ZNF280D: variants seen among roughly 807,000 people sequenced by gnomAD.
The protein encoded by ZNF280D is suppressor of hairy wing homolog 4.
In ZNF280D, 39 loss-of-function variants were observed where a neutral mutation model predicts 94.7. The observed-to-expected ratio is 0.41, with a 90% CI of 0.32 to 0.54. The LOEUF (loss-of-function observed/expected upper bound fraction) is 0.54, where lower values mean the gene tolerates loss of function less well. Among genes scored for constraint, ZNF280D ranks in the 20% least tolerant of loss-of-function variants. The pLI, the probability that ZNF280D is intolerant of heterozygous loss-of-function variation, is 0.22. For missense variants in ZNF280D, 1,090 were observed against 1,149.3 expected (o/e 0.95, Z 0.75); for synonymous variants, 398 against 377.6 (o/e 1.05, Z -0.63).
At chr15:56,695,681 C>T (rs1431909753) in intron 6 of ZNF280D, among the ~76,000 whole-genome samples, 1 of 151,934 alleles carries the variant, frequency 6.6e-6, no homozygotes, top group Non-Finnish European at 1.5e-5. Flanking sequence ...AGGTGCACAC[C>T]ACCATGCCCA....
intron 1 of ZNF280D, among the ~76,000 whole-genome samples, chr15:56,715,488 T>A (rs2057991953): frequency 6.6e-6 from 1 of 152,064 alleles, no homozygotes; most frequent in South Asian, 2.1e-4. Flanking sequence ...ATGACTTAAC[T>A]AAGGGCAATA....
chr15:56,682,123 C>A, intron 10 of ZNF280D, 131 bp downstream of exon 10: 1 of 603,100 alleles, frequency 1.7e-6, no homozygotes, highest in South Asian at 2.5e-5. Context: ...CAAGAGAATC[C>A]GCCTTTATTC....
In ZNF280D at chr15:56,634,802, T is replaced by C. The variant is rs573974804; in HGVS notation, c.2315+393A>G. Among the ~76,000 whole-genome samples, 30 of 152,226 alleles carry C rather than the reference T, an allele frequency of 2.0e-4. 1 individual carries two copies. In the South Asian group the frequency reaches 6.2e-3, roughly 32 times the overall value. On this transcript the variant is annotated intron_variant, in intron 21 of 21. Transcript: ENST00000267807. ...TTGTGATCCTACCATATAAGTAGTCTTATAGCTTTTTGAAAATACTTTAAA... is the reference window on the plus strand; with the variant it reads ...TTGTGATCCTACCATATAAGTAGTCCTATAGCTTTTTGAAAATACTTTAAA...
chr15:56,643,551 T>C lies in ZNF280D; in HGVS notation c.2214-554A>G, dbSNP rs187577323. Among the ~76,000 whole-genome samples the C allele has an allele frequency of 1.7e-3, 255 of 151,848 alleles. 1 individual carries two copies. Among genetic ancestry groups the C allele is most frequent in the African/African-American group, 5.8e-3 (241 of 41,546 alleles). On this transcript the variant is annotated intron_variant, in intron 19 of 21. Transcript: ENST00000267807. ...TCTTTAAAACCTCCATAAGCACTGCTCAAATATTAAAACTTCTTGATTTCT... is the reference window on the plus strand; with the variant it reads ...TCTTTAAAACCTCCATAAGCACTGCCCAAATATTAAAACTTCTTGATTTCT...
Position 56,632,240 on chromosome 15 carries a change from G to A in ZNF280D, c.2316-118C>T, listed in dbSNP as rs550546681. On this transcript the variant is annotated intron_variant, in intron 21 of 21. Transcript: ENST00000267807. ...CAAGGTACATTTGCCCACCAAAAAG[G>A]AAAACAGTCCAAGTTCCCAATCCTC... is the stretch of plus-strand genomic sequence containing the variant. The A allele has an allele frequency of 3.1e-5, 30 of 970,978 alleles. 1 individual carries two copies. In the East Asian group the frequency reaches 7.9e-4, roughly 26 times the overall value. The allele number at this position is 970,978 out of a possible 1,614,324, so 60.1% of individuals were successfully genotyped here.
chr15:56,631,714 A>G lies in ZNF280D; in HGVS notation c.2724T>C (p.Ser908=), dbSNP rs1015074398. The part of the protein sequence containing the change: ...RKRHEPESVS[S]DVSEQGSIHL... ...GAATACTGCCTTGCTCGCTAACATCAGAACTAACAGATTCAGGTTCATGTC... is the reference window on the plus strand; with the variant it reads ...GAATACTGCCTTGCTCGCTAACATCGGAACTAACAGATTCAGGTTCATGTC... Residue 908 remains serine, a synonymous_variant, in exon 22 of 22, where the codon TCT becomes TCC. Transcript: ENST00000267807. 5.6e-6 allele frequency: 9 copies of G among 1,614,106 alleles called. No homozygotes were observed. The Admixed American group carries it at 1.5e-4, about 27-fold the overall frequency.
At chr15:56,707,937 A>G (rs1567017895) in intron 1 of ZNF280D, among the ~76,000 whole-genome samples, 1 of 152,008 alleles carries the variant, frequency 6.6e-6, no homozygotes, top group Admixed American at 6.6e-5. Flanking sequence ...TGCTGTTAGA[A>G]TAAACATTTT....
chr15:56,645,360 GGACT>G (rs1467156153), intron 19 of ZNF280D: 2 of 152,112 alleles, frequency 1.3e-5, no homozygotes, highest in African/African-American at 2.4e-5. Flanking sequence ...AAAGAGAACA[GGACT>G]GACTGGTGAT....
chr15:56,688,945 T>G, intron 9 of ZNF280D, 96 bp downstream of exon 9: 3 of 655,564 alleles, frequency 4.6e-6, no homozygotes, highest in Non-Finnish European at 7.4e-6. Flanking sequence ...GAAATACCAA[T>G]GAGATTATTT....
intron 16 of ZNF280D, among the ~76,000 whole-genome samples, chr15:56,659,567 T>C (rs1459718242): frequency 6.6e-6 from 1 of 151,578 alleles, no homozygotes; most frequent in Non-Finnish European, 1.5e-5. Flanking sequence ...TTATACATAG[T>C]ATGTATAGGA....
chr15:56,675,423 G>A (rs1478206870), intron 13 of ZNF280D, among the ~76,000 whole-genome samples: 1 of 149,012 alleles, frequency 6.7e-6, no homozygotes, highest in African/African-American at 2.5e-5. Context: ...CACTAAGGGT[G>A]ATGAAGATAC....
At chr15:56,675,653 A>G (rs942164108) in intron 13 of ZNF280D, among the ~76,000 whole-genome samples, 4 of 152,028 alleles carry the variant, frequency 2.6e-5, no homozygotes, top group Non-Finnish European at 4.4e-5. Context: ...CATCCTAGTC[A>G]CAACACATAT....
At chr15:56,714,104 C>T (rs567851458) in intron 1 of ZNF280D, among the ~76,000 whole-genome samples, 1 of 152,214 alleles carries the variant, frequency 6.6e-6, no homozygotes, top group Admixed American at 6.5e-5. Context: ...CCTTTTGTGC[C>T]TCAAGTATTT....
At chr15:56,706,383 C>A (rs549138284) in intron 3 of ZNF280D, among the ~76,000 whole-genome samples, 1 of 151,470 alleles carries the variant, frequency 6.6e-6, no homozygotes, top group Non-Finnish European at 1.5e-5. Context: ...GAGGCTGAGG[C>A]GGGAGAATCA....
At chr15:56,700,893 T>C (rs752471437) in intron 6 of ZNF280D, 40 bp downstream of exon 6, 4 of 1,613,670 alleles carry the variant, frequency 2.5e-6, no homozygotes, top group East Asian at 2.2e-5. Flanking sequence ...CAACATCCAA[T>C]GGATCCCTGA....
At chr15:56,661,998 T>C (rs187164160) in intron 16 of ZNF280D, among the ~76,000 whole-genome samples, 96 of 152,278 alleles carry the variant, frequency 6.3e-4, no homozygotes, top group Non-Finnish European at 9.1e-4. Flanking sequence ...CACCCCCAGC[T>C]TGCCATACTT....
In ZNF280D at chr15:56,669,876, T is replaced by TATATATATATATATATATATA. The variant is rs1566959478; in HGVS notation, c.1411-920_1411-919insTATATATATATATATATATAT. Among the ~76,000 whole-genome samples the TATATATATATATATATATATA allele has an allele frequency of 1.6e-3, 9 of 5,526 alleles. 4 individuals are homozygous for TATATATATATATATATATATA. Among genetic ancestry groups the TATATATATATATATATATATA allele is most frequent in the Non-Finnish European group, 3.4e-3 (8 of 2,336 alleles). 3.6% of individuals were successfully genotyped at this position (5,526 alleles called of 152,430 possible). A position where few individuals can be genotyped will look rare whatever the true frequency, so the allele number is the denominator to read the frequency against. Reference sequence around the variant, plus strand: ...TTATTTTATATATATATATATTTTATATATATATATATTATATATATATAT... The same window carrying TATATATATATATATATATATA: ...TTATTTTATATATATATATATTTTATATATATATATATATATATATAATATATATATATTATATATATATAT... On this transcript the variant is annotated intron_variant, in intron 13 of 21. Transcript: ENST00000267807.
At chr15:56,706,709 C>T (rs1831780520) in intron 3 of ZNF280D, among the ~76,000 whole-genome samples, 1 of 152,004 alleles carries the variant, frequency 6.6e-6, no homozygotes, top group African/African-American at 2.4e-5. Context: ...CAAAGGTCTT[C>T]CTTGTTCTTT....
intron 6 of ZNF280D, chr15:56,699,300 A>G (rs1320911123): frequency 1.2e-6 from 1 of 806,462 alleles, no homozygotes; most frequent in Non-Finnish European, 1.5e-6. Context: ...CAATGTATGT[A>G]TATCATACAG....
Sources: gnomAD v4.1 joint callset for allele counts (sites outside exome capture counted in the v4.1 genomes callset) on GRCh38, gnomAD v4.1.1 for gene constraint, MANE v1.5 for transcripts, NCBI Gene and HGNC (gene_info 2026-07-23, HGNC 2026-07-21) for gene names.